Variants in AGAP1 observed in about 807,000 individuals in gnomAD.
AGAP1 encodes the protein arf-GAP with GTPase, ANK repeat and PH domain-containing protein 1.
Under a neutral mutation model 105.3 loss-of-function variants are expected in AGAP1, and 29 were observed. The ratio of observed to expected loss-of-function variants is 0.28; its 90% confidence interval spans 0.21 to 0.38. AGAP1 has a LOEUF of 0.38. AGAP1 is among the 10% of genes least tolerant of loss of function. The pLI is 1.00. For missense variants in AGAP1, 998 were observed against 1,165.1 expected (o/e 0.86, Z 2.09); for synonymous variants, 509 against 485.9 (o/e 1.05, Z -0.63).
intron 8 of AGAP1, among the ~76,000 whole-genome samples, chr2:235,803,968 C>T (rs990223872): frequency 9.2e-5 from 14 of 152,130 alleles, no homozygotes; most frequent in African/African-American, 7.2e-5. Flanking sequence ...CTAGTTTACA[C>T]GTGGTTAAAG....
At chr2:235,854,523 G>T (rs551389282) in intron 9 of AGAP1, among the ~76,000 whole-genome samples, 2 of 152,338 alleles carry the variant, frequency 1.3e-5, no homozygotes, top group South Asian at 4.1e-4. Flanking sequence ...AGCCTCAGCT[G>T]CTATTGTGGC....
chr2:236,097,886 G>A (rs974516289), intron 16 of AGAP1, among the ~76,000 whole-genome samples: 2 of 151,988 alleles, frequency 1.3e-5, no homozygotes, highest in Admixed American at 6.6e-5. Context: ...CCCGACTCCC[G>A]GCACCTCATG....
At chr2:236,070,099 A>T (rs1262523882) in intron 16 of AGAP1, among the ~76,000 whole-genome samples, 1 of 152,244 alleles carries the variant, frequency 6.6e-6, no homozygotes, top group African/African-American at 2.4e-5. Context: ...CATTCGTGTT[A>T]GGAGTACCAC....
At chr2:235,627,074 T>C (rs1433023298) in intron 1 of AGAP1, among the ~76,000 whole-genome samples, 1 of 152,160 alleles carries the variant, frequency 6.6e-6, no homozygotes, top group Non-Finnish European at 1.5e-5. Flanking sequence ...GCGTGGATAT[T>C]GTTTTGTTCT....
chr2:235,965,252 A>G lies in AGAP1; in HGVS notation c.1484-3210A>G, dbSNP rs1049008977. On this transcript the variant is annotated intron_variant, in intron 12 of 17. Coordinates refer to ENST00000304032, the MANE Select transcript of AGAP1 (RefSeq NM_001037131.3). This position sits in a 1 kb window ranked among gnomAD's most constrained non-coding sequence, Gnocchi z 5.8. Reference sequence around the variant, plus strand: ...AGCCGGCTGCCGGGAAGAGAGGGTCAGGTAGAGCCAAGCCTGGAACTGGTG... The same window carrying G: ...AGCCGGCTGCCGGGAAGAGAGGGTCGGGTAGAGCCAAGCCTGGAACTGGTG... 4.6e-5 allele frequency among the ~76,000 whole-genome samples: 7 copies of G among 152,196 alleles called. No individual in the cohort carries two copies. The highest frequency in any genetic ancestry group is 8.8e-5 in the Non-Finnish European group (6 of 68,036).
intron 9 of AGAP1, among the ~76,000 whole-genome samples, chr2:235,859,642 A>G (rs944899864): frequency 4.0e-5 from 6 of 151,320 alleles, no homozygotes; most frequent in African/African-American, 9.7e-5. Flanking sequence ...AGAGACTCGC[A>G]TTTGTCCGGA....
chr2:235,526,829 A>G (rs1414464844), intron 1 of AGAP1, among the ~76,000 whole-genome samples: 1 of 152,188 alleles, frequency 6.6e-6, no homozygotes, highest in Non-Finnish European at 1.5e-5. Context: ...AAAAATTAAA[A>G]GTACCACAGT....
rs77571299 is a variant in AGAP1 at position 235,736,121 on chromosome 2, C to T, written c.311-4842C>T. On this transcript the variant is annotated intron_variant, in intron 3 of 17. Coordinates refer to ENST00000304032, the MANE Select transcript of AGAP1 (RefSeq NM_001037131.3). This position sits in a 1 kb window ranked among gnomAD's most constrained non-coding sequence, Gnocchi z 5.5. ...TTCCCCTCTCACTGAGATGCGGTCA[C>T]AGCTGCCCAGCGACCTGGTTCCACC... Among the ~76,000 whole-genome samples the T allele has an allele frequency of 0.029, 4,456 of 151,624 alleles. 94 individuals are homozygous for T. The highest frequency in any genetic ancestry group is 0.041 in the Non-Finnish European group (2,802 of 67,962).
chr2:235,578,753 C>G lies in AGAP1; in HGVS notation c.163+83904C>G, dbSNP rs924897458. 4.0e-5 allele frequency among the ~76,000 whole-genome samples: 6 copies of G among 150,664 alleles called. No homozygotes were observed. Among genetic ancestry groups the G allele is most frequent in the Non-Finnish European group, 7.4e-5 (5 of 67,874 alleles). On this transcript the variant is annotated intron_variant, in intron 1 of 17. Transcript: ENST00000304032. This position sits in a 1 kb window ranked among gnomAD's most constrained non-coding sequence, Gnocchi z 4.9. ...TAAGCCGACATTGTGCCACTGCACT[C>G]CAGCCTGGGCAATACAGCGAGACTC...
At position 235,976,032 on chromosome 2, in the gene AGAP1, A is replaced by G. The variant is rs2054845030; in HGVS notation, c.1645+7409A>G. Among the ~76,000 whole-genome samples, 1 of 152,078 alleles carries G rather than the reference A, an allele frequency of 6.6e-6. No homozygotes were observed. Among genetic ancestry groups the G allele is most frequent in the African/African-American group, 2.4e-5 (1 of 41,356 alleles). On this transcript the variant is annotated intron_variant, in intron 13 of 17. Coordinates refer to ENST00000304032, the MANE Select transcript of AGAP1 (RefSeq NM_001037131.3). The surrounding 1 kb of genome is among the most constrained non-coding windows in gnomAD (Gnocchi z 4.5). ...CATCTTCCTGGGAGATACACTGGAA[A>G]TGCAGTAGCGAATGTGGAAAACCAA... is the stretch of plus-strand genomic sequence containing the variant.
intron 16 of AGAP1, among the ~76,000 whole-genome samples, chr2:236,117,959 T>C (rs948614025): frequency 1.3e-5 from 2 of 152,286 alleles, no homozygotes; most frequent in Admixed American, 6.5e-5. Context: ...GCCAAGTGTT[T>C]GTCCTGGAAA....
At chr2:235,731,262 G>A (rs1951932050) in intron 3 of AGAP1, among the ~76,000 whole-genome samples, 2 of 152,212 alleles carry the variant, frequency 1.3e-5, no homozygotes, top group Admixed American at 1.3e-4. Context: ...ATCATTGGCT[G>A]AGTATACAGC....
In AGAP1 at chr2:235,725,643, G is replaced by C. The variant is rs988910903; in HGVS notation, c.310+7999G>C. 4.6e-5 allele frequency among the ~76,000 whole-genome samples: 7 copies of C among 152,122 alleles called. No homozygotes were observed. The highest frequency in any genetic ancestry group is 1.0e-4 in the Non-Finnish European group (7 of 68,028). Reference sequence around the variant, plus strand: ...TAAACACATGATAATTTTTTAATGAGAATTATCTGTAAACGTTGAGATGAT... The same window carrying C: ...TAAACACATGATAATTTTTTAATGACAATTATCTGTAAACGTTGAGATGAT... On this transcript the variant is annotated intron_variant, in intron 3 of 17. Transcript: ENST00000304032. This position sits in a 1 kb window ranked among gnomAD's most constrained non-coding sequence, Gnocchi z 5.7.
intron 11 of AGAP1, among the ~76,000 whole-genome samples, chr2:235,913,794 C>T (rs930947572): frequency 1.4e-4 from 21 of 152,138 alleles, no homozygotes; most frequent in Admixed American, 3.3e-4. Context: ...GGCTGTGATA[C>T]GGGCACGTAA....
At chr2:235,697,019 T>C (rs1484497307) in intron 1 of AGAP1, among the ~76,000 whole-genome samples, 2 of 152,186 alleles carry the variant, frequency 1.3e-5, no homozygotes, top group Admixed American at 6.5e-5. Flanking sequence ...AACTTTTGTT[T>C]CATTCGATTT....
Position 235,734,817 on chromosome 2 carries a change from A to G in AGAP1, c.311-6146A>G, listed in dbSNP as rs561229910. ...CTTGTCTTAGCAGAAGTTCACATGG[A>G]AGAGAGGAGGCGTAAGAAGCAGTCA... On this transcript the variant is annotated intron_variant, in intron 3 of 17. Coordinates refer to ENST00000304032, the MANE Select transcript of AGAP1 (RefSeq NM_001037131.3). The surrounding 1 kb of genome is among the most constrained non-coding windows in gnomAD (Gnocchi z 5.3). 1.5e-3 allele frequency among the ~76,000 whole-genome samples: 225 copies of G among 152,278 alleles called. 1 individual carries two copies. Among genetic ancestry groups the G allele is most frequent in the African/African-American group, 4.8e-3 (198 of 41,570 alleles).
chr2:235,904,646 C>T lies in AGAP1; in HGVS notation c.1156-4092C>T, dbSNP rs1217897975. On this transcript the variant is annotated intron_variant, in intron 10 of 17. Transcript: ENST00000304032. This position sits in a 1 kb window ranked among gnomAD's most constrained non-coding sequence, Gnocchi z 4.2. ...ATCAAGCTTCCTGTCTTAATTTTAC[C>T]GAGGTCCCTAACTCAGACCCGTGAA... 6.6e-6 allele frequency among the ~76,000 whole-genome samples: 1 copy of T among 152,114 alleles called. No homozygotes were observed. Among genetic ancestry groups the T allele is most frequent in the Non-Finnish European group, 1.5e-5 (1 of 68,024 alleles).
chr2:236,008,506 C>T (rs2056400964), intron 13 of AGAP1, among the ~76,000 whole-genome samples: 2 of 152,172 alleles, frequency 1.3e-5, no homozygotes, highest in Admixed American at 6.5e-5. Context: ...TTTTCAGTCC[C>T]TGTGAAAACT....
chr2:235,771,068 C>T lies in AGAP1; in HGVS notation c.673+20580C>T, dbSNP rs564911184. ...GGACTAACATGGCCCAGGAGTGCGGCCGCCGCAGGTGCTGGGAGGCCCACA... is the reference window on the plus strand; with the variant it reads ...GGACTAACATGGCCCAGGAGTGCGGTCGCCGCAGGTGCTGGGAGGCCCACA... On this transcript the variant is annotated intron_variant, in intron 6 of 17. Transcript: ENST00000304032. Among the ~76,000 whole-genome samples, 52 of 152,288 alleles carry T rather than the reference C, an allele frequency of 3.4e-4. 2 individuals are homozygous for T. The highest frequency in any genetic ancestry group is 6.8e-3 in the Middle Eastern group (2 of 294).
Sources: allele counts gnomAD v4.1 joint callset (sites outside exome capture counted in the v4.1 genomes callset), GRCh38; gene constraint gnomAD v4.1.1; non-coding constraint Gnocchi (gnomAD v3.1); transcripts MANE v1.5; gene names NCBI Gene and HGNC (gene_info 2026-07-23, HGNC 2026-07-21).